CACNB2: variants seen among roughly 807,000 people sequenced by gnomAD.
The protein encoded by CACNB2 is calcium voltage-gated channel auxiliary subunit beta 2, also known as voltage-dependent L-type calcium channel subunit beta-2.
In CACNB2, 42 loss-of-function variants were observed where a neutral mutation model predicts 73.3. That is an observed-to-expected ratio of 0.57 (90% confidence interval 0.45 to 0.74). The LOEUF (loss-of-function observed/expected upper bound fraction) is 0.74, where lower values mean the gene tolerates loss of function less well. Ranked by LOEUF, CACNB2 falls within the 30% of genes least tolerant of loss-of-function variation. CACNB2 has a pLI of 0.00. For missense variants in CACNB2, 940 were observed against 853.0 expected (o/e 1.10, Z -1.27); for synonymous variants, 348 against 310.3 (o/e 1.12, Z -1.28).
At chr10:18,445,524 T>C (rs2046689052) in intron 3 of CACNB2, among the ~76,000 whole-genome samples, 1 of 152,216 alleles carries the variant, frequency 6.6e-6, no homozygotes, top group Non-Finnish European at 1.5e-5. Context: ...AGGTACGTAA[T>C]GTGATTGTTA....
At chr10:18,243,015 A>AAC (rs1386191721) in intron 2 of CACNB2, among the ~76,000 whole-genome samples, 2 of 151,308 alleles carry the variant, frequency 1.3e-5, no homozygotes, top group Admixed American at 6.6e-5. Flanking sequence ...CTCAAAAAAA[A>AAC]AAAACAAAAA....
chr10:18,404,286 G>A (rs988441908), intron 3 of CACNB2, among the ~76,000 whole-genome samples: 3 of 152,042 alleles, frequency 2.0e-5, no homozygotes, highest in African/African-American at 7.2e-5. Flanking sequence ...TTAAAATCAT[G>A]GTTTGGTAAG....
intron 2 of CACNB2, among the ~76,000 whole-genome samples, chr10:18,289,297 GTTTTT>G (rs764040568): frequency 1.8e-5 from 1 of 56,698 alleles, no homozygotes; most frequent in East Asian, 3.2e-4. Flanking sequence ...TTTTTGTTTT[GTTTTT>G]TTTTTTTTTT....
At chr10:18,393,086 G>A (rs11014016) in intron 2 of CACNB2, among the ~76,000 whole-genome samples, 42,644 of 151,670 alleles carry the variant, frequency 0.28, 6,240 homozygotes, top group Middle Eastern at 0.4. Flanking sequence ...GTGGGCACCT[G>A]TAATCCCAAC....
chr10:18,335,808 CACACACACACACACACAT>C (rs2040981583), intron 2 of CACNB2, among the ~76,000 whole-genome samples: 2 of 151,684 alleles, frequency 1.3e-5, no homozygotes, highest in African/African-American at 4.8e-5. Context: ...CACACACACA[CACACACACACACACACAT>C]ACACACACAG....
chr10:18,484,229 A>G (rs1218131939), intron 3 of CACNB2, among the ~76,000 whole-genome samples: 1 of 152,084 alleles, frequency 6.6e-6, no homozygotes, highest in Non-Finnish European at 1.5e-5. Flanking sequence ...CTCCATCTGT[A>G]CTAAAAATAC....
intron 2 of CACNB2, among the ~76,000 whole-genome samples, chr10:18,322,257 T>C (rs1036899136): frequency 1.3e-5 from 2 of 152,052 alleles, no homozygotes; most frequent in Admixed American, 6.6e-5. Context: ...ATCTTGGAAA[T>C]CAGAGAATAC....
Position 18,384,670 on chromosome 10 carries a change from C to T in CACNB2, c.214-17254C>T, listed in dbSNP as rs556791572. Among the ~76,000 whole-genome samples the T allele has an allele frequency of 2.6e-5, 4 of 151,758 alleles. No individual in the cohort carries two copies. The East Asian group carries it at 5.9e-4, about 22-fold the overall frequency. ...ACTTGAGCCTGGAAGGTGGAGGTTG[C>T]AGCGAGCTGAGATATTGCCATTGTA... On this transcript the variant is annotated intron_variant, in intron 2 of 13. Coordinates refer to ENST00000324631, the MANE Select transcript of CACNB2 (RefSeq NM_201596.3).
At position 18,486,846 on chromosome 10, in the gene CACNB2, G is replaced by A. The variant is rs1036031588; in HGVS notation, c.334-11509G>A. On this transcript the variant is annotated intron_variant, in intron 3 of 13. Transcript: ENST00000324631. Reference sequence around the variant, plus strand: ...GATAGTAATGAAGCATTATTGTGTGGGGTAAATATGTGAGGTTCATTGTCT... The same window carrying A: ...GATAGTAATGAAGCATTATTGTGTGAGGTAAATATGTGAGGTTCATTGTCT... 5.3e-5 allele frequency among the ~76,000 whole-genome samples: 8 copies of A among 152,262 alleles called. No homozygotes were observed. The South Asian group carries it at 1.7e-3, about 32-fold the overall frequency.
At chr10:18,222,214 G>A (rs142041642) in intron 2 of CACNB2, among the ~76,000 whole-genome samples, 5 of 152,230 alleles carry the variant, frequency 3.3e-5, no homozygotes, top group East Asian at 3.9e-4. Context: ...ACCACATGCC[G>A]AGGCAGAACC....
intron 2 of CACNB2, among the ~76,000 whole-genome samples, chr10:18,324,059 A>G (rs1185225327): frequency 6.6e-6 from 1 of 152,198 alleles, no homozygotes; most frequent in Non-Finnish European, 1.5e-5. Flanking sequence ...AATGAGTGTA[A>G]TGGCTAGGAA....
Position 18,466,842 on chromosome 10 carries a change from G to A in CACNB2, c.334-31513G>A, listed in dbSNP as rs184786250. Among the ~76,000 whole-genome samples the A allele has an allele frequency of 3.9e-5, 6 of 152,230 alleles. No homozygotes were observed. The East Asian group carries it at 9.7e-4, about 25-fold the overall frequency. Reference sequence around the variant, plus strand: ...TGGAATTTAATAATGTCCGAATAATGTGGAAATAATGTTTTCAGTGGAATA... The same window carrying A: ...TGGAATTTAATAATGTCCGAATAATATGGAAATAATGTTTTCAGTGGAATA... On this transcript the variant is annotated intron_variant, in intron 3 of 13. Coordinates refer to ENST00000324631, the MANE Select transcript of CACNB2 (RefSeq NM_201596.3).
intron 2 of CACNB2, among the ~76,000 whole-genome samples, chr10:18,239,096 C>T (rs1351282424): frequency 6.6e-6 from 1 of 152,098 alleles, no homozygotes. Context: ...TAGTGGCCAC[C>T]AGGACTAAAT....
intron 2 of CACNB2, among the ~76,000 whole-genome samples, chr10:18,227,893 A>G (rs1362765589): frequency 6.6e-6 from 1 of 152,210 alleles, no homozygotes; most frequent in Non-Finnish European, 1.5e-5. Flanking sequence ...ATTAACATCC[A>G]AGATAGAGTC....
intron 3 of CACNB2, among the ~76,000 whole-genome samples, chr10:18,402,647 A>G (rs1317973397): frequency 6.6e-6 from 1 of 152,182 alleles, no homozygotes; most frequent in Non-Finnish European, 1.5e-5. Context: ...CAGCTATGAA[A>G]TAGATAGTTA....
At chr10:18,393,198 CA>C (rs11409619) in intron 2 of CACNB2, among the ~76,000 whole-genome samples, 21 of 146,942 alleles carry the variant, frequency 1.4e-4, no homozygotes, top group African/African-American at 2.0e-4. Context: ...GACTCCATGT[CA>C]AAAAAAAAAA....
At chr10:18,368,966 T>G (rs191058851) in intron 2 of CACNB2, among the ~76,000 whole-genome samples, 1 of 152,184 alleles carries the variant, frequency 6.6e-6, no homozygotes, top group Admixed American at 6.5e-5. Flanking sequence ...TCATTTGAAA[T>G]GTACTGGTAA....
At chr10:18,379,967 A>T (rs996332536) in intron 2 of CACNB2, among the ~76,000 whole-genome samples, 2 of 152,192 alleles carry the variant, frequency 1.3e-5, no homozygotes, top group Non-Finnish European at 2.9e-5. Context: ...GATTACAGCT[A>T]TGAGCCACCA....
In CACNB2 at chr10:18,433,987, G is replaced by GCAAGAGCTGCATGTCACA. The variant is rs565099944; in HGVS notation, c.333+31952_333+31953insGCATGTCACACAAGAGCT. ...TGCTACAGTATTCCTATCCATTCCA[G>GCAAGAGCTGCATGTCACA]CAAGAGCTTCGGTAGAGTTGTATAT... is the stretch of plus-strand genomic sequence containing the variant. On this transcript the variant is annotated intron_variant, in intron 3 of 13. Coordinates refer to ENST00000324631, the MANE Select transcript of CACNB2 (RefSeq NM_201596.3). 8.3e-3 allele frequency among the ~76,000 whole-genome samples: 1,264 copies of GCAAGAGCTGCATGTCACA among 152,128 alleles called. 18 individuals carry two copies. The highest frequency in any genetic ancestry group is 0.029 in the African/African-American group (1,210 of 41,496).
Sources: allele counts gnomAD v4.1 joint callset (sites outside exome capture counted in the v4.1 genomes callset), GRCh38; gene constraint gnomAD v4.1.1; transcripts MANE v1.5; gene names NCBI Gene and HGNC (gene_info 2026-07-23, HGNC 2026-07-21).